SGCG: variants seen among roughly 807,000 people sequenced by gnomAD.
SGCG encodes the protein sarcoglycan gamma.
In SGCG, 26 loss-of-function variants were observed where a neutral mutation model predicts 29.3. The ratio of observed to expected loss-of-function variants is 0.89; its 90% CI spans 0.65 to 1.23. The LOEUF (loss-of-function observed/expected upper bound fraction) is 1.23, where lower values mean the gene tolerates loss of function less well. Among genes scored for constraint, SGCG ranks in the 50% most tolerant of loss-of-function variants. SGCG has a pLI of 0.00. For missense variants in SGCG, 353 were observed against 356.0 expected, an observed-to-expected ratio of 0.99 and a Z score of 0.07; for synonymous variants, 145 against 129.7, an observed-to-expected ratio of 1.12 and a Z score of -0.80.
chr13:23,316,793 T>C (rs921580376), intron 6 of SGCG, among the ~76,000 whole-genome samples: 3 of 152,208 alleles, frequency 2.0e-5, no homozygotes, highest in African/African-American at 7.2e-5. Flanking sequence ...ACAACAATGA[T>C]TCCATTAAAT....
chr13:23,190,580 G>A (rs1309275874), intron 1 of SGCG, among the ~76,000 whole-genome samples: 1 of 152,118 alleles, frequency 6.6e-6, no homozygotes, highest in African/African-American at 2.4e-5. Flanking sequence ...AACTGGATTG[G>A]TTATGAAAGT....
At chr13:23,174,942 G>C in the SGCG span, among the ~76,000 whole-genome samples, 4 of 152,218 alleles carry the variant, frequency 2.6e-5, no homozygotes, top group African/African-American at 9.6e-5. Context: ...GGCTGGAGAC[G>C]AGAGCGGCGT....
intron 7 of SGCG, among the ~76,000 whole-genome samples, chr13:23,323,242 A>T (rs2137532548): frequency 6.6e-6 from 1 of 152,358 alleles, no homozygotes; most frequent in South Asian, 2.1e-4. Flanking sequence ...ATGAGGCGTT[A>T]GATAATAACC....
chr13:23,192,847 T>G (rs928081348), intron 1 of SGCG, among the ~76,000 whole-genome samples: 5 of 152,214 alleles, frequency 3.3e-5, no homozygotes, highest in African/African-American at 9.7e-5. Flanking sequence ...TATTCTGCCT[T>G]CCTTTAACAA....
chr13:23,296,188 A>G (rs1257861127), intron 6 of SGCG, among the ~76,000 whole-genome samples: 2 of 152,222 alleles, frequency 1.3e-5, no homozygotes, highest in Non-Finnish European at 2.9e-5. Context: ...ATCCATCTCT[A>G]CACTATCTGC....
chr13:23,307,557 C>T (rs1882404325), intron 6 of SGCG, among the ~76,000 whole-genome samples: 1 of 151,956 alleles, frequency 6.6e-6, no homozygotes. Flanking sequence ...GAACTATGCC[C>T]TGTTATGCAT....
At chr13:23,214,226 ATT>A (rs1878341407) in intron 2 of SGCG, among the ~76,000 whole-genome samples, 1 of 152,060 alleles carries the variant, frequency 6.6e-6, no homozygotes, top group African/African-American at 2.4e-5. Flanking sequence ...TTTCCTACAC[ATT>A]GTTAAATTTC....
chr13:23,316,167 G>T (rs993566650), intron 6 of SGCG, among the ~76,000 whole-genome samples: 1 of 152,170 alleles, frequency 6.6e-6, no homozygotes, highest in Non-Finnish European at 1.5e-5. Flanking sequence ...CCATCCTTGG[G>T]GTGATAAGCC....
chr13:23,299,836 A>C (rs183633773), intron 6 of SGCG, among the ~76,000 whole-genome samples: 1 of 152,294 alleles, frequency 6.6e-6, no homozygotes, highest in Non-Finnish European at 1.5e-5. Context: ...TTGCATTCAC[A>C]CATGATGTAA....
intron 4 of SGCG, among the ~76,000 whole-genome samples, chr13:23,275,531 C>T (rs935633944): frequency 2.0e-5 from 3 of 151,204 alleles, no homozygotes; most frequent in Non-Finnish European, 2.9e-5. Flanking sequence ...GATCATCTTA[C>T]AGCATTTTTG....
chr13:23,281,789 G>A (rs1881314341), intron 5 of SGCG, among the ~76,000 whole-genome samples: 1 of 152,182 alleles, frequency 6.6e-6, no homozygotes, highest in Non-Finnish European at 1.5e-5. Context: ...CTACTGATCT[G>A]ATAGGAGGCG....
In SGCG at chr13:23,307,411, G is replaced by A. The variant is rs538731591; in HGVS notation, c.578+11924G>A. On this transcript the variant is annotated intron_variant, in intron 6 of 7. Coordinates refer to ENST00000218867, the MANE Select transcript of SGCG (RefSeq NM_000231.3). Reference sequence around the variant, plus strand: ...GTACAGTCTTGATGAGCTTAGAAGTGTATTTTATATTTTTCGTGAGTTAAA... The same window carrying A: ...GTACAGTCTTGATGAGCTTAGAAGTATATTTTATATTTTTCGTGAGTTAAA... Among the ~76,000 whole-genome samples, 5 of 152,264 alleles carry A rather than the reference G, an allele frequency of 3.3e-5. No individual in the cohort carries two copies. The East Asian group carries it at 9.6e-4, about 29-fold the overall frequency.
At chr13:23,215,980 GA>G (rs35699446) in intron 2 of SGCG, among the ~76,000 whole-genome samples, 13,102 of 152,086 alleles carry the variant, frequency 0.086, 671 homozygotes, top group Non-Finnish European at 0.12. Flanking sequence ...ACAGTACTCA[GA>G]AAACGAGATA....
the SGCG span, among the ~76,000 whole-genome samples, chr13:23,162,798 C>T: frequency 6.6e-6 from 1 of 151,962 alleles, no homozygotes; most frequent in African/African-American, 2.4e-5. Context: ...CCAATGCACT[C>T]CAGCCTGGGC....
intron 4 of SGCG, among the ~76,000 whole-genome samples, chr13:23,260,197 C>T (rs1206866546): frequency 6.6e-6 from 1 of 152,072 alleles, no homozygotes; most frequent in African/African-American, 2.4e-5. Context: ...TTATGTATCT[C>T]TAAGGACTTG....
chr13:23,239,241 T>C (rs779080538), intron 3 of SGCG, among the ~76,000 whole-genome samples: 2 of 151,896 alleles, frequency 1.3e-5, no homozygotes, highest in Non-Finnish European at 2.9e-5. Flanking sequence ...AAAAAGGATA[T>C]ATAACATACA....
At chr13:23,164,777 C>T in the SGCG span, among the ~76,000 whole-genome samples, 7 of 152,148 alleles carry the variant, frequency 4.6e-5, no homozygotes, top group Admixed American at 2.0e-4. Context: ...TGCTCTCCTC[C>T]GGCCTCCTGC....
chr13:23,320,023 A>G (rs377060883), intron 6 of SGCG, among the ~76,000 whole-genome samples: 2 of 152,302 alleles, frequency 1.3e-5, no homozygotes, highest in African/African-American at 2.4e-5. Flanking sequence ...AAATCTTTCC[A>G]TTTGCCCTGT....
Position 23,203,804 on chromosome 13 carries a change from A to G in SGCG, c.110A>G (p.Tyr37Cys), listed in dbSNP as rs770141199. 1 of 1,613,900 alleles carries G rather than the reference A, an allele frequency of 6.2e-7. No individual in the cohort carries two copies. ...GIYGWRKRCL[Y>C]LFVLLLLIIL... ...TATGGCTGGAGAAAGCGCTGTCTCT[A>G]CTTGTTTGTTCTTCTTTTACTCATC... Residue 37 changes from tyrosine (Y) to cysteine (C), a missense_variant, in exon 2 of 8, where the codon TAC (tyrosine) becomes TGC (cysteine). Coordinates refer to ENST00000218867, the MANE Select transcript of SGCG (RefSeq NM_000231.3).
Sources: gnomAD v4.1 joint callset for allele counts (sites outside exome capture counted in the v4.1 genomes callset) on GRCh38, gnomAD v4.1.1 for gene constraint, MANE v1.5 for transcripts, NCBI Gene and HGNC (gene_info 2026-07-23, HGNC 2026-07-21) for gene names.